UBE3A: variants seen among roughly 807,000 people sequenced by gnomAD.
The protein encoded by UBE3A is ubiquitin protein ligase E3A, also known as ubiquitin-protein ligase E3A.
UBE3A carries 6 observed loss-of-function variants against 83.4 expected under a neutral mutation model. That is an observed-to-expected ratio of 0.07 (90% CI 0.04 to 0.14). The LOEUF (loss-of-function observed/expected upper bound fraction) is 0.14, where lower values mean the gene tolerates loss of function less well. Ranked by LOEUF, UBE3A falls within the 10% of genes least tolerant of loss-of-function variation. The pLI, the probability that UBE3A is intolerant of heterozygous loss-of-function variation, is 1.00. For synonymous variants in UBE3A, 337 were observed against 355.4 expected (o/e 0.95, Z 0.58); for missense variants, 456 against 1,036.1 (o/e 0.44, Z 7.69).
Position 25,335,254 on chromosome 15 carries a change from A to G in UBE3A, c.*3883T>C, listed in dbSNP as rs184647978. 3.6e-3 allele frequency: 543 copies of G among 152,336 alleles called. 2 individuals are homozygous for G. The highest frequency in any genetic ancestry group is 0.01 in the Middle Eastern group (3 of 294). The allele number at this position is 152,336 out of a possible 1,614,324, so 9.4% of individuals were successfully genotyped here. A position where few individuals can be genotyped will look rare whatever the true frequency, so the allele number is the denominator to read the frequency against. On this transcript the variant is annotated 3_prime_UTR_variant, in exon 13 of 13. Transcript: ENST00000648336. ...AGTCTTCATGGATGAGGTACTTTAA[A>G]TATCTGGTCATGAAGAGTATTTGAG...
rs554739071 is a variant in UBE3A at position 25,404,716 on chromosome 15, A to T, written c.62+745T>A. Among the ~76,000 whole-genome samples, 18 of 152,138 alleles carry T rather than the reference A, an allele frequency of 1.2e-4. No homozygotes were observed. In the East Asian group the frequency reaches 3.1e-3, roughly 26 times the overall value. On this transcript the variant is annotated intron_variant, in intron 4 of 12. Transcript: ENST00000648336. ...TACCTACTGAGCAAATTCTTTGCTG[A>T]CTCCCTAATACCTTCTATCACATCT...
chr15:25,406,245 A>T (rs994757369), intron 3 of UBE3A, among the ~76,000 whole-genome samples: 7 of 152,216 alleles, frequency 4.6e-5, no homozygotes, highest in African/African-American at 1.4e-4. Context: ...TCAACAATGA[A>T]ACTGTTTCCC....
At chr15:25,354,288 T>G in intron 11 of UBE3A, 65 bp downstream of exon 11, 2 of 1,470,250 alleles carry the variant, frequency 1.4e-6, no homozygotes, top group Non-Finnish European at 1.9e-6. Flanking sequence ...GAGATAAAGG[T>G]CTGAAGCAAA....
At chr15:25,378,163 G>T (rs907939193) in intron 4 of UBE3A, among the ~76,000 whole-genome samples, 6 of 151,934 alleles carry the variant, frequency 3.9e-5, no homozygotes, top group Admixed American at 1.3e-4. Flanking sequence ...AATTACAAAA[G>T]TCAAAATACC....
chr15:25,390,069 G>C (rs565151992), intron 4 of UBE3A, among the ~76,000 whole-genome samples: 101 of 152,290 alleles, frequency 6.6e-4, no homozygotes, highest in African/African-American at 1.8e-3. Context: ...TATGGCATCA[G>C]AGAAACACAA....
intron 4 of UBE3A, among the ~76,000 whole-genome samples, chr15:25,403,867 T>C (rs1020282860): frequency 6.6e-6 from 1 of 152,154 alleles, no homozygotes; most frequent in Non-Finnish European, 1.5e-5. Context: ...AAAAACTGTA[T>C]GATTGCACTT....
At chr15:25,387,996 A>G (rs2083488381) in intron 4 of UBE3A, among the ~76,000 whole-genome samples, 1 of 152,224 alleles carries the variant, frequency 6.6e-6, no homozygotes, top group Admixed American at 6.5e-5. Context: ...AGAAGGCATC[A>G]GGCCCAGATG....
chr15:25,416,135 C>A (rs914936732), intron 1 of UBE3A, among the ~76,000 whole-genome samples: 2 of 152,062 alleles, frequency 1.3e-5, no homozygotes, highest in Non-Finnish European at 2.9e-5. Context: ...TATATGCATA[C>A]CTTATGACTT....
At chr15:25,356,573 AT>A in intron 8 of UBE3A, 117 bp downstream of exon 8, 1 of 988,784 alleles carries the variant, frequency 1.0e-6, no homozygotes, top group African/African-American at 1.7e-5. Flanking sequence ...TTTTTATCTT[AT>A]TGATAAGAGT....
At chr15:25,377,371 C>T (rs1358960012) in intron 4 of UBE3A, among the ~76,000 whole-genome samples, 1 of 152,106 alleles carries the variant, frequency 6.6e-6, no homozygotes, top group Non-Finnish European at 1.5e-5. Flanking sequence ...AAAGAAAACC[C>T]ACAAAGCACA....
At position 25,336,604 on chromosome 15, in the gene UBE3A, A is replaced by G. The variant is rs190202767; in HGVS notation, c.*2533T>C. The G allele has an allele frequency of 2.0e-5, 3 of 152,136 alleles. No individual in the cohort carries two copies. Among genetic ancestry groups the G allele is most frequent in the Non-Finnish European group, 4.4e-5 (3 of 68,022 alleles). The allele number at this position is 152,136 out of a possible 1,614,324, so 9.4% of individuals were successfully genotyped here. A position where few individuals can be genotyped will look rare whatever the true frequency, so the allele number is the denominator to read the frequency against. ...TATACAAGCAAGCATCCCCAAAAGT[A>G]GTTGTCTCAGGAAACCAGGGTTAGG... On this transcript the variant is annotated 3_prime_UTR_variant, in exon 13 of 13. Coordinates refer to ENST00000648336, the MANE Select transcript of UBE3A (RefSeq NM_130839.5).
At chr15:25,346,764 G>A (rs2075748479) in intron 11 of UBE3A, 2 of 152,270 alleles carry the variant, frequency 1.3e-5, no homozygotes, top group African/African-American at 2.4e-5. Context: ...CTCAACAGTA[G>A]AGTGAAGATG....
rs570389738 is a variant in UBE3A, at chr15:25,436,889, A to G, written c.-165+1600T>C. On this transcript the variant is annotated intron_variant, in intron 1 of 12. Coordinates refer to ENST00000648336, the MANE Select transcript of UBE3A (RefSeq NM_130839.5). Reference sequence around the variant, plus strand: ...CTCCTCAGGGACAGGGGCAATGTCCAGAGGATAGTGAGCATACTACTTAGC... The same window carrying G: ...CTCCTCAGGGACAGGGGCAATGTCCGGAGGATAGTGAGCATACTACTTAGC... Among the ~76,000 whole-genome samples the G allele has an allele frequency of 3.3e-5, 5 of 152,336 alleles. No individual in the cohort carries two copies. The South Asian group carries it at 1.0e-3, about 32-fold the overall frequency.
intron 1 of UBE3A, among the ~76,000 whole-genome samples, chr15:25,424,919 A>C (rs1421579060): frequency 6.6e-6 from 1 of 152,212 alleles, no homozygotes; most frequent in Non-Finnish European, 1.5e-5. Flanking sequence ...GACAGTATTA[A>C]GGTAGCAATA....
In UBE3A at chr15:25,408,618, A is replaced by G. The variant is rs1438151370; in HGVS notation, c.20+470T>C. The G allele has an allele frequency of 5.0e-6, 8 of 1,613,770 alleles. No individual in the cohort carries two copies. The highest frequency in any genetic ancestry group is 2.2e-5 in the East Asian group (1 of 44,858). ...AGCTAGCAAATTCAAATGGTGGCTC[A>G]CTTCCAATAACACTGGTGCAGCTTC... On this transcript the variant is annotated intron_variant, in intron 3 of 12. Coordinates refer to ENST00000648336, the MANE Select transcript of UBE3A (RefSeq NM_130839.5).
intron 11 of UBE3A, among the ~76,000 whole-genome samples, chr15:25,351,917 GGTATGGTGGCTCAC>G (rs1341428916): frequency 6.6e-6 from 1 of 152,164 alleles, no homozygotes; most frequent in Non-Finnish European, 1.5e-5. Flanking sequence ...GATTTTGCTA[GGTATGGTGGCTCAC>G]GCCTGTAATC....
chr15:25,373,003 T>G (rs889023365), intron 5 of UBE3A, among the ~76,000 whole-genome samples: 1 of 152,204 alleles, frequency 6.6e-6, no homozygotes, highest in Admixed American at 6.5e-5. Context: ...ACTAAGGATC[T>G]GATCTGTGGC....
At chr15:25,340,332 G>C (rs1292527482) in intron 11 of UBE3A, 104 bp from the exon 12 acceptor site, 1 of 1,352,636 alleles carries the variant, frequency 7.4e-7, no homozygotes, top group African/African-American at 1.4e-5. Context: ...AGACAACTTG[G>C]AAGTTAATTA....
chr15:25,354,542 T>C lies in UBE3A; in HGVS notation c.2266A>G (p.Ile756Val). ...TGCTTTCTTACCCGGCTTCCACATA[T>C]AAGCAATTCAATTTCTTCTGGTCTG... ...LFRPEEIELL[I>V]CGSRNLDFQA... is the part of the protein sequence containing the mutation. Residue 756 changes from isoleucine to valine, a missense_variant, in exon 10 of 13, where the codon ATA (isoleucine) becomes GTA (valine). Ile to Val is a conservative substitution (Grantham distance 29, BLOSUM62 3). Coordinates refer to ENST00000648336, the MANE Select transcript of UBE3A (RefSeq NM_130839.5). The C allele has an allele frequency of 6.2e-7, 1 of 1,613,982 alleles. No individual in the cohort carries two copies.
Sources: gnomAD v4.1 joint callset for allele counts (sites outside exome capture counted in the v4.1 genomes callset) on GRCh38, gnomAD v4.1.1 for gene constraint, MANE v1.5 for transcripts, NCBI Gene and HGNC (gene_info 2026-07-23, HGNC 2026-07-21) for gene names.